The following LARP1 variants were observed in gnomAD, a reference collection of about 807,000 sequenced individuals.
The protein encoded by LARP1 is la-related protein 1.
A neutral mutation model predicts 122.7 loss-of-function variants in LARP1; 36 were observed. The observed-to-expected ratio is 0.29, with a 90% confidence interval of 0.22 to 0.39. LARP1 has a LOEUF of 0.39. LARP1 is among the 10% of genes least tolerant of loss of function. LARP1 has a pLI of 1.00. For synonymous variants in LARP1, 539 were observed against 528.7 expected, an observed-to-expected ratio of 1.02 and a Z score of -0.27; for missense variants, 1,040 against 1,403.6, an observed-to-expected ratio of 0.74 and a Z score of 4.14.
chr5:154,774,731 C>A (rs969186460), intron 1 of LARP1, among the ~76,000 whole-genome samples: 1 of 152,136 alleles, frequency 6.6e-6, no homozygotes, highest in Non-Finnish European at 1.5e-5. Context: ...ACTGCCATTG[C>A]CCCTCTGAGG....
chr5:154,704,972 G>T (rs1363372839), intron 1 of LARP1, among the ~76,000 whole-genome samples: 1 of 151,894 alleles, frequency 6.6e-6, no homozygotes, highest in African/African-American at 2.4e-5. Flanking sequence ...ACAAAAATTA[G>T]CTGGGCCTGG....
At chr5:154,692,991 A>ATTTT (rs1554078476) in intron 1 of LARP1, among the ~76,000 whole-genome samples, 3 of 131,366 alleles carry the variant, frequency 2.3e-5, no homozygotes, top group Admixed American at 8.2e-5. Context: ...ATTTTTAATT[A>ATTTT]TTTTTTTTTT....
At chr5:154,756,356 C>G (rs370475813) in intron 1 of LARP1, 163 bp downstream of exon 1, 2 of 966,202 alleles carry the variant, frequency 2.1e-6, no homozygotes, top group Non-Finnish European at 2.5e-6. Flanking sequence ...CGCCCTCCCC[C>G]CCACCGTACA....
upstream of LARP1, among the ~76,000 whole-genome samples, chr5:154,754,040 G>C (rs1171930146): frequency 6.6e-6 from 1 of 152,222 alleles, no homozygotes; most frequent in Non-Finnish European, 1.5e-5. Flanking sequence ...TAGACACGCA[G>C]ATTTCTGGGT....
exon 1 of LARP1, chr5:154,712,912 GCCCTGGT>G (rs1561539758): frequency 6.2e-7 from 1 of 1,611,944 alleles, no homozygotes; most frequent in South Asian, 1.1e-5. Context: ...GTGACCCCAG[GCCCTGGT>G]CACTCCATGC....
At chr5:154,751,605 G>A (rs60236817), upstream of LARP1, among the ~76,000 whole-genome samples, 1,454 of 152,234 alleles carry the variant, frequency 9.6e-3, 21 homozygotes, top group African/African-American at 0.032. Flanking sequence ...CTTATCTGTG[G>A]TTTTGCTTCC....
rs937713028 is a variant in LARP1 at position 154,774,967 on chromosome 5, G to C, written c.437-15358G>C. Among the ~76,000 whole-genome samples, 4 of 152,118 alleles carry C rather than the reference G, an allele frequency of 2.6e-5. No individual in the cohort carries two copies. In the South Asian group the frequency reaches 8.3e-4, roughly 32 times the overall value. ...AACTCAGTAATTTCAGGGAAAAAAA[G>C]AAAAACAGGAGGCCCTTTGAATGGT... On this transcript the variant is annotated intron_variant, in intron 1 of 18. Transcript: ENST00000518297.
intron 1 of LARP1, among the ~76,000 whole-genome samples, chr5:154,760,700 A>G (rs1754381087): frequency 2.0e-5 from 3 of 152,182 alleles, no homozygotes; most frequent in Non-Finnish European, 4.4e-5. Flanking sequence ...GGAACAGACT[A>G]ATTAGCCATG....
intron 1 of LARP1, among the ~76,000 whole-genome samples, chr5:154,714,738 G>T (rs1000906216): frequency 6.6e-6 from 1 of 152,162 alleles, no homozygotes; most frequent in African/African-American, 2.4e-5. Flanking sequence ...ACCCTCTCTC[G>T]GGGTAGAGCC....
At position 154,721,927 on chromosome 5, in the gene LARP1, A is replaced by G. The variant is rs140523310; in HGVS notation, c.205+8797A>G. Among the ~76,000 whole-genome samples the G allele has an allele frequency of 1.1e-4, 16 of 152,254 alleles. No individual in the cohort carries two copies. In the East Asian group the frequency reaches 1.7e-3, roughly 17 times the overall value. On this transcript the variant is annotated intron_variant, in intron 1 of 18. Coordinates refer to the LARP1 transcript ENST00000336314. ...AGTATCATCCCATTCACCCAGCACA[A>G]TGACACAGTCAGATTTATGGTTGAA...
intron 15 of LARP1, 41 bp downstream of exon 15, chr5:154,806,073 T>C: frequency 6.2e-7 from 1 of 1,602,002 alleles, no homozygotes; most frequent in African/African-American, 1.3e-5. Flanking sequence ...TCTGGGCCCG[T>C]TATTTAGACC....
chr5:154,771,426 C>G (rs910720078), intron 1 of LARP1, among the ~76,000 whole-genome samples: 1 of 152,158 alleles, frequency 6.6e-6, no homozygotes, highest in Non-Finnish European at 1.5e-5. Context: ...AACAGGTGCT[C>G]GTAGAGGTTC....
In LARP1 at chr5:154,755,449, C is replaced by T. The variant is rs1277746866; in HGVS notation, c.-309C>T. 2 of 694,350 alleles carry T rather than the reference C, an allele frequency of 2.9e-6. No individual in the cohort carries two copies. The highest frequency in any genetic ancestry group is 1.3e-4 in the Admixed American group (2 of 15,840). The allele number at this position is 694,350 out of a possible 1,614,324, so 43.0% of individuals were successfully genotyped here. A position where few individuals can be genotyped will look rare whatever the true frequency, so the allele number is the denominator to read the frequency against. The stretch of plus-strand genomic sequence containing the variant: ...GGGCGGGGGGGAGGGAGGGACGGGA[C>T]TAGAAGCCTGCCGGGCTCGGGGTGG... On this transcript the variant is annotated 5_prime_UTR_variant, in exon 1 of 19. Coordinates refer to ENST00000518297, the MANE Select transcript of LARP1 (RefSeq NM_033551.3).
At chr5:154,728,886 T>G (rs1178255230) in intron 1 of LARP1, among the ~76,000 whole-genome samples, 1 of 152,152 alleles carries the variant, frequency 6.6e-6, no homozygotes, top group Non-Finnish European at 1.5e-5. Context: ...GTCACTGTGG[T>G]GCCCTGCCAG....
intron 1 of LARP1, among the ~76,000 whole-genome samples, chr5:154,737,224 A>G (rs1442118863): frequency 6.6e-6 from 1 of 151,662 alleles, no homozygotes; most frequent in Admixed American, 6.6e-5. Flanking sequence ...TATTTTTAGT[A>G]GAGACGGGGT....
chr5:154,808,870 T>G (rs1409018490), intron 16 of LARP1, among the ~76,000 whole-genome samples: 1 of 152,200 alleles, frequency 6.6e-6, no homozygotes, highest in East Asian at 1.9e-4. Context: ...ATTAGAATCT[T>G]GTGGGTCCTT....
chr5:154,771,005 G>A (rs917477809), intron 1 of LARP1, among the ~76,000 whole-genome samples: 1 of 151,950 alleles, frequency 6.6e-6, no homozygotes, highest in Non-Finnish European at 1.5e-5. Flanking sequence ...CCAGCTACTC[G>A]GGTGGCTGAG....
chr5:154,771,548 G>C (rs1383355575), intron 1 of LARP1, among the ~76,000 whole-genome samples: 1 of 152,192 alleles, frequency 6.6e-6, no homozygotes, highest in Non-Finnish European at 1.5e-5. Context: ...CATTCTCCCA[G>C]ACCACAGAAT....
At position 154,743,961 on chromosome 5, in the gene LARP1, C is replaced by A. The variant is rs572094785; in HGVS notation, c.205+30831C>A. ...CTTTGGCTCAAGTGATTTCCGCTTT[C>A]TCCAAGTGCCTTGCACAGTGCTGAG... On this transcript the variant is annotated intron_variant, in intron 1 of 18. Transcript: ENST00000336314. Among the ~76,000 whole-genome samples the A allele has an allele frequency of 8.1e-4, 124 of 152,344 alleles. 3 individuals carry two copies. The South Asian group carries it at 0.024, about 29-fold the overall frequency.
Sources: allele counts gnomAD v4.1 joint callset (sites outside exome capture counted in the v4.1 genomes callset), GRCh38; gene constraint gnomAD v4.1.1; transcripts MANE v1.5; gene names NCBI Gene and HGNC (gene_info 2026-07-23, HGNC 2026-07-21).